Variants in USP37 observed in about 807,000 individuals in gnomAD.
USP37 encodes the protein ubiquitin carboxyl-terminal hydrolase 37.
USP37 carries 27 observed loss-of-function variants against 124.0 expected under a neutral mutation model. The ratio of observed to expected loss-of-function variants is 0.22; its 90% CI spans 0.16 to 0.30. The LOEUF (loss-of-function observed/expected upper bound fraction) is 0.30. USP37 is among the 10% of genes least tolerant of loss of function. The probability of loss-of-function intolerance (pLI) is 1.00; values close to 1 mark genes in which losing one functional copy is unlikely to be tolerated. For missense variants in USP37, 889 were observed against 1,140.4 expected (o/e 0.78, Z 3.17); for synonymous variants, 365 against 388.0 (o/e 0.94, Z 0.70).
chr2:218,478,943 G>A (rs946926483), intron 18 of USP37, among the ~76,000 whole-genome samples: 4 of 152,044 alleles, frequency 2.6e-5, no homozygotes, highest in African/African-American at 9.7e-5. Context: ...CCCCCCAAAA[G>A]CCCTTAAACA....
intron 22 of USP37, among the ~76,000 whole-genome samples, chr2:218,462,734 G>T (rs73990493): frequency 0.04 from 6,075 of 152,042 alleles, 392 homozygotes; most frequent in African/African-American, 0.14. Context: ...AGAGATATGG[G>T]TATAGATGAC....
chr2:218,465,914 T>C, intron 21 of USP37, 96 bp downstream of exon 21: 2 of 1,415,632 alleles, frequency 1.4e-6, no homozygotes, highest in South Asian at 2.6e-5. Flanking sequence ...TGGAACAATG[T>C]CTGACACATA....
Position 218,497,740 on chromosome 2 carries a change from C to T in USP37, c.1275G>A (p.Met425Ile). ...TAAAACAATTAATACTCACATTCTG[C>T]ATATAACCAGAGAATCTCTCTGCTG... is the stretch of plus-strand genomic sequence containing the variant. ...SATAERFSGY[M>I]QNDAHEFLSQ... The change falls in exon 13 of 26, where the codon ATG (methionine) becomes ATA (isoleucine). Residue 425 changes from methionine (M) to isoleucine (I), a missense_variant. Coordinates refer to ENST00000258399, the MANE Select transcript of USP37 (RefSeq NM_020935.3). The T allele has an allele frequency of 1.2e-6, 2 of 1,613,960 alleles. No homozygotes were observed. The highest frequency in any genetic ancestry group is 1.7e-6 in the Non-Finnish European group (2 of 1,179,970).
intron 17 of USP37, among the ~76,000 whole-genome samples, chr2:218,481,821 T>A (rs1288927669): frequency 1.3e-5 from 2 of 151,950 alleles, no homozygotes; most frequent in African/African-American, 4.8e-5. Context: ...GCTGGCTTTA[T>A]TATTTTATTT....
intron 10 of USP37, chr2:218,528,599 G>T: frequency 2.5e-6 from 1 of 397,462 alleles, no homozygotes; most frequent in Admixed American, 4.4e-5. Flanking sequence ...CAAAGGACAT[G>T]AACTCATCCA....
intron 4 of USP37, among the ~76,000 whole-genome samples, chr2:218,557,382 C>G (rs967217425): frequency 6.6e-6 from 1 of 151,868 alleles, no homozygotes; most frequent in Admixed American, 6.6e-5. Context: ...TTGCAAAAAA[C>G]CCTTTCTTTT....
chr2:218,463,530 C>CTTT lies in USP37; in HGVS notation c.2467-167_2467-165dup, dbSNP rs778154896. Among the ~76,000 whole-genome samples, 218 of 99,092 alleles carry CTTT rather than the reference C, an allele frequency of 2.2e-3. 1 individual carries two copies. The highest frequency in any genetic ancestry group is 3.7e-3 in the African/African-American group (85 of 23,068). The allele number at this position is 99,092 out of a possible 152,430, so 65.0% of individuals were successfully genotyped here. ...TTGAGGAATGTGGGGAAGTTCTTTA[C>CTTT]TTTTTTTTTTTTTTTTTTTTTTTGA... On this transcript the variant is annotated intron_variant, in intron 21 of 25. Coordinates refer to ENST00000258399, the MANE Select transcript of USP37 (RefSeq NM_020935.3).
chr2:218,511,977 T>G (rs1206619664), intron 10 of USP37, among the ~76,000 whole-genome samples: 1 of 152,188 alleles, frequency 6.6e-6, no homozygotes, highest in African/African-American at 2.4e-5. Context: ...CTGTATGTTG[T>G]GAGGCATACT....
chr2:218,482,351 A>C, intron 16 of USP37, 117 bp from the exon 17 acceptor site: 1 of 1,103,222 alleles, frequency 9.1e-7, no homozygotes, highest in Non-Finnish European at 1.2e-6. Context: ...CATTTGGCCA[A>C]ACCAAAGACA....
chr2:218,532,757 T>G (rs1574934818), intron 9 of USP37, among the ~76,000 whole-genome samples: 1 of 151,812 alleles, frequency 6.6e-6, no homozygotes, highest in African/African-American at 2.4e-5. Context: ...GGCAAAACCA[T>G]GTCTCTACAA....
chr2:218,493,390 C>T (rs956924007), intron 14 of USP37, among the ~76,000 whole-genome samples: 4 of 152,216 alleles, frequency 2.6e-5, no homozygotes, highest in African/African-American at 9.6e-5. Context: ...ACCTCAACTG[C>T]ATATCCAACA....
At chr2:218,522,135 C>A (rs1305399968) in intron 10 of USP37, among the ~76,000 whole-genome samples, 2 of 151,458 alleles carry the variant, frequency 1.3e-5, no homozygotes, top group Non-Finnish European at 1.5e-5. Context: ...CTTGGCCTCC[C>A]AAAAGTGCTA....
chr2:218,544,132 C>T (rs1439039948), intron 8 of USP37, among the ~76,000 whole-genome samples: 1 of 151,784 alleles, frequency 6.6e-6, no homozygotes, highest in African/African-American at 2.4e-5. Context: ...ATAATCCCAG[C>T]ACTTTGGGAG....
At chr2:218,555,141 G>A (rs1343497758) in intron 4 of USP37, among the ~76,000 whole-genome samples, 1 of 152,132 alleles carries the variant, frequency 6.6e-6, no homozygotes, top group Non-Finnish European at 1.5e-5. Flanking sequence ...AAATCTTACA[G>A]TTTCTTCATT....
chr2:218,471,478 A>G (rs1040674281), intron 20 of USP37, among the ~76,000 whole-genome samples: 1 of 152,212 alleles, frequency 6.6e-6, no homozygotes, highest in Non-Finnish European at 1.5e-5. Flanking sequence ...ATGTATTACT[A>G]TAGCCTCACA....
In USP37 at chr2:218,485,668, G is replaced by A. The variant is rs1237323165; in HGVS notation, c.1666C>T (p.Pro556Ser). 9 of 1,565,170 alleles carry A rather than the reference G, an allele frequency of 5.8e-6. No homozygotes were observed. ...AAAAAAAAAAAAAAAAATTACCTAG[G>A]AAGCCTGTTAAATTTGTGCCTGACA... is the stretch of plus-strand genomic sequence containing the variant. ...ALVRHKFNRL[P>S]RVLILHLKRY... Residue 556 changes from proline (P) to serine (S), a missense_variant, in exon 16 of 26, where the codon CCT becomes TCT. By Grantham distance (74) the Pro-to-Ser change is moderately conservative. Around this residue, in one of 3 missense-constraint regions of USP37, gnomAD observed 504 missense variants for 714.3 expected, o/e 0.71. Coordinates refer to ENST00000258399, the MANE Select transcript of USP37 (RefSeq NM_020935.3).
At chr2:218,520,281 C>T (rs1690532909) in intron 10 of USP37, among the ~76,000 whole-genome samples, 1 of 149,426 alleles carries the variant, frequency 6.7e-6, no homozygotes, top group Non-Finnish European at 1.5e-5. Flanking sequence ...AATTTTTTTT[C>T]AAAGTTAACA....
At chr2:218,498,239 T>C (rs1689176730) in intron 11 of USP37, 82 bp from the exon 12 acceptor site, 2 of 1,390,238 alleles carry the variant, frequency 1.4e-6, no homozygotes, top group Non-Finnish European at 1.9e-6. Context: ...CTCCACTTTA[T>C]GTTTCAGAAT....
rs751230494 is a variant in USP37 at position 218,549,891 on chromosome 2, C to T, written c.347G>A (p.Gly116Glu). The T allele has an allele frequency of 6.9e-6, 11 of 1,605,610 alleles. No individual in the cohort carries two copies. Among genetic ancestry groups the T allele is most frequent in the Non-Finnish European group, 9.4e-6 (11 of 1,176,386 alleles). Residue 116 changes from glycine to glutamate, a missense_variant, in exon 6 of 26, where the codon GGG becomes GAG. By Grantham distance (98) the Gly-to-Glu change is moderately conservative. This residue lies in a region of USP37 where 374 missense variants were observed against 386.0 expected (regional missense o/e 0.97). Transcript: ENST00000258399. Reference protein sequence around the residue: ...RLPAAMKPSQGSGSFGAILGS... With the variant: ...RLPAAMKPSQESGSFGAILGS... ...CAGAATGGCTCCAAAACTACCAGAC[C>T]CCTGAGACGGTTTCATGGCTGGTGA... is the stretch of plus-strand genomic sequence containing the variant.
Sources: allele counts gnomAD v4.1 joint callset (sites outside exome capture counted in the v4.1 genomes callset), GRCh38; gene constraint gnomAD v4.1.1; regional missense constraint gnomAD v4.1.1; transcripts MANE v1.5; gene names NCBI Gene and HGNC (gene_info 2026-07-23, HGNC 2026-07-21).